DNAAF11: variants seen among roughly 807,000 people sequenced by gnomAD.
DNAAF11 encodes leucine rich repeat containing 6.
In DNAAF11, 45 loss-of-function variants were observed where a neutral mutation model predicts 60.8. The ratio of observed to expected loss-of-function variants is 0.74; its 90% CI spans 0.58 to 0.95. The LOEUF is 0.95. DNAAF11 is among the 40% of genes least tolerant of loss of function. The probability of loss-of-function intolerance (pLI) is 0.00; values close to 1 mark genes in which losing one functional copy is unlikely to be tolerated. For synonymous variants in DNAAF11, 191 were observed against 183.5 expected, an observed-to-expected ratio of 1.04 and a Z score of -0.33; for missense variants, 546 against 546.2, an observed-to-expected ratio of 1.00 and a Z score of 0.00.
chr8:132,650,285 G>T (rs948140249), intron 3 of DNAAF11, among the ~76,000 whole-genome samples: 1 of 151,744 alleles, frequency 6.6e-6, no homozygotes, highest in African/African-American at 2.4e-5. Flanking sequence ...ACCAAACACC[G>T]CATGTTCTCA....
chr8:132,666,638 A>T (rs2130853240), intron 1 of DNAAF11, among the ~76,000 whole-genome samples: 1 of 152,342 alleles, frequency 6.6e-6, no homozygotes, highest in East Asian at 1.9e-4. Flanking sequence ...CATGACAATT[A>T]ACCAGAAAAA....
chr8:132,629,472 C>T (rs958637785), intron 5 of DNAAF11, among the ~76,000 whole-genome samples: 3 of 151,978 alleles, frequency 2.0e-5, no homozygotes, highest in Admixed American at 6.5e-5. Flanking sequence ...CTCAACCTCC[C>T]GAGTAGCTGG....
At chr8:132,695,718 A>G in the DNAAF11 span, among the ~76,000 whole-genome samples, 1 of 143,698 alleles carries the variant, frequency 7.0e-6, no homozygotes, top group African/African-American at 2.5e-5. Context: ...GGCTGTGGTT[A>G]TGAATTCAAA....
chr8:132,590,113 T>C (rs916933226), intron 10 of DNAAF11, among the ~76,000 whole-genome samples: 1 of 152,196 alleles, frequency 6.6e-6, no homozygotes, highest in Non-Finnish European at 1.5e-5. Flanking sequence ...CACAGGAAGA[T>C]AGAACCCTGC....
chr8:132,635,957 G>A (rs1042477343), intron 4 of DNAAF11, among the ~76,000 whole-genome samples: 6 of 151,984 alleles, frequency 3.9e-5, no homozygotes, highest in Non-Finnish European at 8.8e-5. Flanking sequence ...AGGGCATGAA[G>A]CAGATTCTCC....
chr8:132,594,832 C>T (rs1816822038), intron 10 of DNAAF11, among the ~76,000 whole-genome samples: 1 of 152,156 alleles, frequency 6.6e-6, no homozygotes, highest in African/African-American at 2.4e-5. Flanking sequence ...TATAAATTAC[C>T]CAGTCTGGGG....
the DNAAF11 span, among the ~76,000 whole-genome samples, chr8:132,689,240 T>C: frequency 6.6e-6 from 1 of 152,178 alleles, no homozygotes; most frequent in East Asian, 1.9e-4. Flanking sequence ...GGTTGGACAT[T>C]AGAGTATTTC....
intron 5 of DNAAF11, among the ~76,000 whole-genome samples, chr8:132,630,828 G>C (rs1255866231): frequency 6.6e-6 from 1 of 151,920 alleles, no homozygotes; most frequent in Admixed American, 6.6e-5. Context: ...TAAAAATAGA[G>C]GATACTATAT....
intron 6 of DNAAF11, 155 bp from the exon 7 acceptor site, chr8:132,622,843 A>G (rs112595917): frequency 8.4e-6 from 5 of 592,576 alleles, no homozygotes; most frequent in African/African-American, 7.5e-5. Context: ...TCTTAAGTCC[A>G]TTCCTTTAAT....
At chr8:132,610,831 G>A (rs1818585933) in intron 9 of DNAAF11, among the ~76,000 whole-genome samples, 1 of 152,186 alleles carries the variant, frequency 6.6e-6, no homozygotes, top group South Asian at 2.1e-4. Flanking sequence ...AAAACCATGT[G>A]CTAAAAAATA....
intron 2 of DNAAF11, among the ~76,000 whole-genome samples, chr8:132,659,486 C>G (rs903301882): frequency 1.3e-5 from 2 of 152,188 alleles, no homozygotes; most frequent in Middle Eastern, 3.4e-3. Flanking sequence ...TTGTGATGGA[C>G]CCAGCTGTGG....
intron 7 of DNAAF11, among the ~76,000 whole-genome samples, chr8:132,615,913 G>A (rs894617525): frequency 3.9e-5 from 6 of 152,212 alleles, no homozygotes; most frequent in East Asian, 1.9e-4. Flanking sequence ...TGAAGTTAGC[G>A]ATAGATTTGG....
Position 132,635,945 on chromosome 8 carries a change from G to A in DNAAF11, c.429+1990C>T, listed in dbSNP as rs574591389. ...CCAGCAAATCAGCAGAAGCTAGGAG[G>A]GAGGGCATGAAGCAGATTCTCCCTC... On this transcript the variant is annotated intron_variant, in intron 4 of 11. Transcript: ENST00000620350. Among the ~76,000 whole-genome samples the A allele has an allele frequency of 1.0e-3, 157 of 152,136 alleles. No individual in the cohort carries two copies. In the Middle Eastern group the frequency reaches 0.014, roughly 13 times the overall value.
chr8:132,665,882 T>C (rs1035050563), intron 1 of DNAAF11, among the ~76,000 whole-genome samples: 4 of 152,118 alleles, frequency 2.6e-5, no homozygotes, highest in Non-Finnish European at 5.9e-5. Context: ...TAGAGAAAAT[T>C]TGGTACACAT....
At chr8:132,702,208 C>T in the DNAAF11 span, 1 of 152,184 alleles carries the variant, frequency 6.6e-6, no homozygotes, top group East Asian at 1.9e-4. Context: ...CTGCAGCAAG[C>T]ACTTCAGAGA....
At chr8:132,621,275 G>C (rs545690085) in intron 7 of DNAAF11, among the ~76,000 whole-genome samples, 20 of 152,272 alleles carry the variant, frequency 1.3e-4, no homozygotes, top group Admixed American at 9.8e-4. Context: ...GGAAGCTTCA[G>C]GCTTTGCTGT....
the DNAAF11 span, among the ~76,000 whole-genome samples, chr8:132,689,498 T>G: frequency 5.7e-5 from 1 of 17,436 alleles, no homozygotes; most frequent in South Asian, 3.4e-3. Context: ...CAATTCAGTG[T>G]CATTCCCTGA....
chr8:132,604,905 T>C (rs980878711), intron 10 of DNAAF11, among the ~76,000 whole-genome samples: 2 of 152,164 alleles, frequency 1.3e-5, no homozygotes, highest in African/African-American at 4.8e-5. Flanking sequence ...AGACACATTA[T>C]TGAATATCCA....
chr8:132,671,727 G>A (rs1825205502), intron 1 of DNAAF11, among the ~76,000 whole-genome samples: 1 of 151,818 alleles, frequency 6.6e-6, no homozygotes, highest in Non-Finnish European at 1.5e-5. Flanking sequence ...ACATATACAA[G>A]CCACTGGTTT....
Sources: gnomAD v4.1 joint callset for allele counts (sites outside exome capture counted in the v4.1 genomes callset) on GRCh38, gnomAD v4.1.1 for gene constraint, MANE v1.5 for transcripts, NCBI Gene and HGNC (gene_info 2026-07-23, HGNC 2026-07-21) for gene names.